ATL1: variants seen among roughly 807,000 people sequenced by gnomAD.
ATL1 encodes atlastin-1.
Under a neutral mutation model 75.5 loss-of-function variants are expected in ATL1, and 31 were observed. The observed-to-expected ratio is 0.41, with a 90% confidence interval of 0.31 to 0.55. ATL1 has a LOEUF of 0.55. ATL1 is among the 20% of genes least tolerant of loss of function. The pLI, the probability that ATL1 is intolerant of heterozygous loss-of-function variation, is 0.27. For synonymous variants in ATL1, 226 were observed against 233.3 expected (o/e 0.97, Z 0.28); for missense variants, 405 against 662.6 (o/e 0.61, Z 4.27).
chr14:50,618,265 T>TA (rs1595617669), intron 8 of ATL1, among the ~76,000 whole-genome samples: 2 of 152,146 alleles, frequency 1.3e-5, no homozygotes, highest in Non-Finnish European at 2.9e-5. Flanking sequence ...AAGAAACCTA[T>TA]TAGTGTCAGT....
chr14:50,609,363 G>A (rs965100580), intron 6 of ATL1, among the ~76,000 whole-genome samples: 3 of 151,868 alleles, frequency 2.0e-5, no homozygotes, highest in African/African-American at 4.8e-5. Context: ...CTAAAAAGTA[G>A]GAGAATGAGG....
At chr14:50,568,765 G>T (rs370026796) in intron 1 of ATL1, among the ~76,000 whole-genome samples, 2 of 151,874 alleles carry the variant, frequency 1.3e-5, no homozygotes, top group East Asian at 1.9e-4. Flanking sequence ...GCATTACTGC[G>T]CATTACTCTC....
At chr14:50,594,372 T>C (rs1000157670) in intron 5 of ATL1, among the ~76,000 whole-genome samples, 1 of 152,090 alleles carries the variant, frequency 6.6e-6, no homozygotes, top group Non-Finnish European at 1.5e-5. Context: ...TAAGATGAGA[T>C]TTGGGCGGGG....
chr14:50,570,059 C>G (rs912397922), intron 1 of ATL1, among the ~76,000 whole-genome samples: 1 of 152,090 alleles, frequency 6.6e-6, no homozygotes, highest in African/African-American at 2.4e-5. Flanking sequence ...TTAGAATTTG[C>G]TGAACTTCTC....
intron 1 of ATL1, chr14:50,542,494 G>A (rs1271338870): frequency 1.3e-5 from 2 of 152,174 alleles, no homozygotes; most frequent in Non-Finnish European, 2.9e-5. Flanking sequence ...GAAATTGGAT[G>A]TTACCTAATT....
At chr14:50,535,650 T>C (rs573528550) in intron 1 of ATL1, among the ~76,000 whole-genome samples, 2 of 152,348 alleles carry the variant, frequency 1.3e-5, no homozygotes, top group South Asian at 4.1e-4. Flanking sequence ...ATAGGGCAAT[T>C]TTTATATAAT....
intron 1 of ATL1, among the ~76,000 whole-genome samples, chr14:50,577,304 T>G (rs1026819740): frequency 6.6e-6 from 1 of 152,046 alleles, no homozygotes. Flanking sequence ...CTTCGTGATC[T>G]GCCCCGCCTT....
intron 2 of ATL1, among the ~76,000 whole-genome samples, chr14:50,589,537 T>C (rs2039135745): frequency 6.6e-6 from 1 of 152,118 alleles, no homozygotes. Flanking sequence ...CATAGAGATA[T>C]TGGAAGTTAG....
At chr14:50,615,678 C>G (rs2039408069) in intron 8 of ATL1, among the ~76,000 whole-genome samples, 1 of 152,162 alleles carries the variant, frequency 6.6e-6, no homozygotes, top group South Asian at 2.1e-4. Flanking sequence ...AATTCCAACC[C>G]ACTAGTGGAT....
At chr14:50,605,261 A>G (rs2039306496) in intron 6 of ATL1, among the ~76,000 whole-genome samples, 1 of 151,888 alleles carries the variant, frequency 6.6e-6, no homozygotes, top group South Asian at 2.1e-4. Context: ...TCTGCCTGCA[A>G]TATCCATAGA....
intron 1 of ATL1, among the ~76,000 whole-genome samples, chr14:50,545,436 T>C (rs2038618932): frequency 6.6e-6 from 1 of 152,160 alleles, no homozygotes; most frequent in South Asian, 2.1e-4. Context: ...GCAGTGGGAA[T>C]CCCAGGGTGG....
chr14:50,560,256 C>G lies in ATL1; in HGVS notation c.-10C>G, dbSNP rs762416885. The G allele has an allele frequency of 6.2e-7, 1 of 1,613,932 alleles. No individual in the cohort carries two copies. The highest frequency in any genetic ancestry group is 1.1e-5 in the South Asian group (1 of 91,034). ...GACAGCGCCTCACCGCCACCAGCTCCTGGACCACCATGGCCAAGAACCGCA... is the reference window on the plus strand; with the variant it reads ...GACAGCGCCTCACCGCCACCAGCTCGTGGACCACCATGGCCAAGAACCGCA... On this transcript the variant is annotated 5_prime_UTR_variant, in exon 1 of 14. Coordinates refer to ENST00000358385, the MANE Select transcript of ATL1 (RefSeq NM_015915.5).
rs761466832 is a variant in ATL1 at position 50,569,522 on chromosome 14, G to GT, written c.34+9231dup. Among the ~76,000 whole-genome samples the GT allele has an allele frequency of 2.2e-4, 33 of 151,964 alleles. 1 individual carries two copies. The highest frequency in any genetic ancestry group is 4.2e-4 in the South Asian group (2 of 4,798). ...TATTATATTAGCTTTTGGACTTACA[G>GT]TTTTTTTTAAAAGTATTAGTCTCTT... On this transcript the variant is annotated intron_variant, in intron 1 of 13. Transcript: ENST00000358385.
chr14:50,539,048 G>A (rs962266467), intron 1 of ATL1, among the ~76,000 whole-genome samples: 5 of 152,174 alleles, frequency 3.3e-5, no homozygotes, highest in Admixed American at 1.3e-4. Flanking sequence ...CCAGAAACCC[G>A]ATTGATAAAG....
chr14:50,571,468 C>T (rs1267769334), intron 1 of ATL1, among the ~76,000 whole-genome samples: 2 of 152,212 alleles, frequency 1.3e-5, no homozygotes, highest in Non-Finnish European at 2.9e-5. Context: ...TTTCCAGTCT[C>T]ACTTCATCAG....
intron 11 of ATL1, among the ~76,000 whole-genome samples, chr14:50,626,012 T>C (rs1566735098): frequency 6.6e-6 from 1 of 152,188 alleles, no homozygotes; most frequent in Non-Finnish European, 1.5e-5. Context: ...GGTTACTGAA[T>C]ACTTTAAGCC....
chr14:50,549,938 G>A (rs577177376), intron 1 of ATL1, among the ~76,000 whole-genome samples: 7 of 152,184 alleles, frequency 4.6e-5, no homozygotes, highest in Non-Finnish European at 5.9e-5. Flanking sequence ...AACTCTCAGC[G>A]TTACCTCTGA....
At chr14:50,544,859 C>T (rs970284272) in intron 1 of ATL1, among the ~76,000 whole-genome samples, 1 of 147,084 alleles carries the variant, frequency 6.8e-6, no homozygotes, top group African/African-American at 2.5e-5. Context: ...ATTGCATGAG[C>T]CTGGGAGATG....
intron 8 of ATL1, among the ~76,000 whole-genome samples, chr14:50,618,226 A>T (rs1163037116): frequency 6.6e-6 from 1 of 152,218 alleles, no homozygotes; most frequent in Non-Finnish European, 1.5e-5. Context: ...TCTACTAAAG[A>T]TGAAAAAACG....
Sources: gnomAD v4.1 joint callset for allele counts (sites outside exome capture counted in the v4.1 genomes callset) on GRCh38, gnomAD v4.1.1 for gene constraint, MANE v1.5 for transcripts, NCBI Gene and HGNC (gene_info 2026-07-23, HGNC 2026-07-21) for gene names.